Variants in POLR2F observed in about 807,000 individuals in gnomAD.
POLR2F encodes the protein DNA-directed RNA polymerases I, II, and III subunit RPABC2.
Under a neutral mutation model 22.7 loss-of-function variants are expected in POLR2F, and 12 were observed. That is an observed-to-expected ratio of 0.53 (90% confidence interval 0.34 to 0.86). POLR2F has a LOEUF of 0.86. Ranked by LOEUF, POLR2F falls within the 40% of genes least tolerant of loss-of-function variation. The pLI is 0.02. For synonymous variants in POLR2F, 57 were observed against 66.0 expected, an observed-to-expected ratio of 0.86 and a Z score of 0.66; for missense variants, 126 against 171.5, an observed-to-expected ratio of 0.73 and a Z score of 1.48.
chr22:37,980,813 G>T lies in POLR2F; in HGVS notation c.293+13643G>T, dbSNP rs1291811223. Among the ~76,000 whole-genome samples, 1 of 152,260 alleles carries T rather than the reference G, an allele frequency of 6.6e-6. No homozygotes were observed. The highest frequency in any genetic ancestry group is 1.9e-4 in the East Asian group (1 of 5,204). ...AAACCCCAACCGGGGACCTCCCACA[G>T]TGGGGCACTGATTGCTGCTACCTGT... On this transcript the variant is annotated intron_variant, in intron 4 of 4. Coordinates refer to the POLR2F transcript ENST00000405557. The surrounding 1 kb of genome is among the most constrained non-coding windows in gnomAD (Gnocchi z 4.1).
chr22:37,969,553 G>GA (rs1378503165), downstream of POLR2F, among the ~76,000 whole-genome samples: 1 of 152,140 alleles, frequency 6.6e-6, no homozygotes, highest in Admixed American at 6.5e-5. Flanking sequence ...GGAGGTGATA[G>GA]TGTCATCTTC....
chr22:37,973,859 G>A, downstream of POLR2F: 3 of 1,608,128 alleles, frequency 1.9e-6, no homozygotes, highest in Non-Finnish European at 2.5e-6. Flanking sequence ...ACCAGGTGGT[G>A]AGACCGTGGG....
At chr22:37,973,468 C>CG, downstream of POLR2F, 1 of 1,420,358 alleles carries the variant, frequency 7.0e-7, no homozygotes, top group Non-Finnish European at 9.6e-7. Flanking sequence ...AGGGGCTGGG[C>CG]GGGGGGTGGT....
chr22:37,955,775 C>T (rs982047551), intron 1 of POLR2F, among the ~76,000 whole-genome samples: 2 of 151,042 alleles, frequency 1.3e-5, no homozygotes, highest in African/African-American at 2.4e-5. Flanking sequence ...CTCCGCCTCT[C>T]GGGTTCAAGC....
rs1263489605 is a variant in POLR2F, at chr22:38,016,007, TC to T, written c.121-9857del. Among the ~76,000 whole-genome samples, 4 of 151,962 alleles carry T rather than the reference TC, an allele frequency of 2.6e-5. No individual in the cohort carries two copies. Among genetic ancestry groups the T allele is most frequent in the African/African-American group, 9.7e-5 (4 of 41,352 alleles). On this transcript the variant is annotated intron_variant, in intron 1 of 2. Transcript: ENST00000333418. The surrounding 1 kb of genome is among the most constrained non-coding windows in gnomAD (Gnocchi z 4.4). ...CAAGCATCCACCCCTCCTGGAACTCTCCCCCGATGGTCTTCCCTACTCTCTA... is the reference window on the plus strand; with the variant it reads ...CAAGCATCCACCCCTCCTGGAACTCTCCCCGATGGTCTTCCCTACTCTCTA...
intron 2 of POLR2F, among the ~76,000 whole-genome samples, chr22:37,957,940 G>A (rs1311073819): frequency 1.3e-5 from 2 of 152,098 alleles, no homozygotes; most frequent in Admixed American, 6.6e-5. Flanking sequence ...CAGAATATTC[G>A]CAACAGAGTA....
downstream of POLR2F, among the ~76,000 whole-genome samples, chr22:38,028,533 T>C (rs556984321): frequency 2.1e-4 from 32 of 152,190 alleles, no homozygotes; most frequent in East Asian, 5.8e-4. Flanking sequence ...CATGTGTGTG[T>C]GCGCATACGT....
At chr22:37,990,864 C>T (rs935882895) in intron 1 of POLR2F, among the ~76,000 whole-genome samples, 8 of 152,234 alleles carry the variant, frequency 5.3e-5, no homozygotes, top group South Asian at 2.1e-4. Flanking sequence ...ACAAGAGGCC[C>T]GTGCCTGATC....
At chr22:37,972,872 G>A (rs1932101242), downstream of POLR2F, 3 of 153,444 alleles carry the variant, frequency 2.0e-5, no homozygotes, top group African/African-American at 7.2e-5. Context: ...ATTGGATCAG[G>A]GGGCCTCTGT....
In POLR2F at chr22:38,005,402, G is replaced by C. The variant is rs183756837; in HGVS notation, c.120+19090G>C. On this transcript the variant is annotated intron_variant, in intron 1 of 2. Coordinates refer to the POLR2F transcript ENST00000333418. ...AGCCTCCCAAAGGGTGGGATTACAG[G>C]CATGTGAGCCACCTCGAATGCCAGA... is the stretch of plus-strand genomic sequence containing the variant. Among the ~76,000 whole-genome samples, 113 of 152,332 alleles carry C rather than the reference G, an allele frequency of 7.4e-4. 1 individual carries two copies. The highest frequency in any genetic ancestry group is 2.6e-3 in the African/African-American group (110 of 41,578).
Position 37,977,750 on chromosome 22 carries a change from G to A in POLR2F, c.293+10580G>A, listed in dbSNP as rs535813428. The A allele has an allele frequency of 1.2e-4, 134 of 1,158,188 alleles. No homozygotes were observed. The African/African-American group carries it at 1.9e-3, about 17-fold the overall frequency. 71.7% of individuals were successfully genotyped at this position (1,158,188 alleles called of 1,614,324 possible). On this transcript the variant is annotated intron_variant, in intron 4 of 4. Coordinates refer to the POLR2F transcript ENST00000405557. Reference sequence around the variant, plus strand: ...CTCTGGGCCCCTGCAGCTCTGCTGGGGCAACTGCACAGCCTGGCACGCTCT... The same window carrying A: ...CTCTGGGCCCCTGCAGCTCTGCTGGAGCAACTGCACAGCCTGGCACGCTCT...
At chr22:38,040,856 G>A in intron 5 of POLR2F, 1 of 683,442 alleles carries the variant, frequency 1.5e-6, no homozygotes, top group East Asian at 2.8e-5. Flanking sequence ...GCTCTGTAAT[G>A]GCAGCTTTTA....
rs117664380 is a variant in POLR2F, at chr22:38,006,948, G to A, written c.121-18921G>A. On this transcript the variant is annotated intron_variant, in intron 1 of 2. Transcript: ENST00000333418. ...AGTCCAAGTTTCCAGAGTGCACCCTGCATCTGTCTTCTTGTAGAGCTTCTG... is the reference window on the plus strand; with the variant it reads ...AGTCCAAGTTTCCAGAGTGCACCCTACATCTGTCTTCTTGTAGAGCTTCTG... 1.2e-3 allele frequency among the ~76,000 whole-genome samples: 177 copies of A among 152,326 alleles called. 2 individuals are homozygous for A. In the East Asian group the frequency reaches 0.029, roughly 25 times the overall value.
In POLR2F at chr22:38,008,276, G is replaced by A. The variant is rs184806371; in HGVS notation, c.121-17593G>A. ...AAATTAAACATTAAAAAAGGCAGGC[G>A]CTGTGGCTCATGCCTGTAATCCCAC... On this transcript the variant is annotated intron_variant, in intron 1 of 2. Transcript: ENST00000333418. 1.1e-3 allele frequency among the ~76,000 whole-genome samples: 172 copies of A among 152,054 alleles called. 6 individuals carry two copies. The East Asian group carries it at 0.032, about 28-fold the overall frequency.
Position 37,967,749 on chromosome 22 carries a change from C to T in POLR2F, c.*34C>T. The T allele has an allele frequency of 1.9e-6, 3 of 1,592,628 alleles. No individual in the cohort carries two copies. Among genetic ancestry groups the T allele is most frequent in the South Asian group, 1.1e-5 (1 of 87,744 alleles). ...CATCTTCCTGCCCTTGCCCCATGCCCAATTTTCATTCTCACTTTATATGTG... is the reference window on the plus strand; with the variant it reads ...CATCTTCCTGCCCTTGCCCCATGCCTAATTTTCATTCTCACTTTATATGTG... On this transcript the variant is annotated 3_prime_UTR_variant, in exon 5 of 5. Transcript: ENST00000442738.
chr22:37,977,945 A>G, intron 4 of POLR2F: 1 of 1,612,718 alleles, frequency 6.2e-7, no homozygotes, highest in South Asian at 1.1e-5. Flanking sequence ...GCGCTCTTGT[A>G]GTGGGCCTGG....
chr22:37,974,209 G>A (rs777938222), downstream of POLR2F: 3 of 1,592,466 alleles, frequency 1.9e-6, no homozygotes, highest in Admixed American at 1.7e-5. The surrounding 1 kb of genome is among the most constrained non-coding windows in gnomAD (Gnocchi z 5.4). Flanking sequence ...CTGGGTAGAA[G>A]GGAGACAGAG....
intron 5 of POLR2F, chr22:38,040,747 C>T (rs778569336): frequency 1.0e-4 from 44 of 425,070 alleles, no homozygotes; most frequent in Non-Finnish European, 1.6e-4. Flanking sequence ...CTTCAGTTTC[C>T]TCCTTTGTGA....
chr22:37,989,188 C>T (rs965474728), intron 1 of POLR2F, among the ~76,000 whole-genome samples: 2 of 152,198 alleles, frequency 1.3e-5, no homozygotes, highest in Non-Finnish European at 2.9e-5. Flanking sequence ...CTATTAACCT[C>T]TCAGGACTCG....
Sources: allele counts gnomAD v4.1 joint callset (sites outside exome capture counted in the v4.1 genomes callset), GRCh38; gene constraint gnomAD v4.1.1; non-coding constraint Gnocchi (gnomAD v3.1); transcripts MANE v1.5; gene names NCBI Gene and HGNC (gene_info 2026-07-23, HGNC 2026-07-21).